The following CECR2 variants were observed in gnomAD, a reference collection of about 807,000 sequenced individuals.
The protein encoded by CECR2 is chromatin remodeling regulator CECR2.
CECR2 carries 30 observed loss-of-function variants against 154.5 expected under a neutral mutation model. That is an observed-to-expected ratio of 0.19 (90% CI 0.15 to 0.26). The LOEUF (loss-of-function observed/expected upper bound fraction) is 0.26, where lower values mean the gene tolerates loss of function less well. Ranked by LOEUF, CECR2 falls within the 10% of genes least tolerant of loss-of-function variation. The probability of loss-of-function intolerance (pLI) is 1.00; values close to 1 mark genes in which losing one functional copy is unlikely to be tolerated. For missense variants in CECR2, 1,743 were observed against 1,829.3 expected (o/e 0.95, Z 0.86); for synonymous variants, 725 against 683.7 (o/e 1.06, Z -0.94).
At chr22:17,426,603 C>G (rs369719646) in intron 1 of CECR2, among the ~76,000 whole-genome samples, 6 of 152,204 alleles carry the variant, frequency 3.9e-5, no homozygotes, top group African/African-American at 1.4e-4. Flanking sequence ...GTGATCCGCC[C>G]GCCTCAGCCT....
Position 17,500,354 on chromosome 22 carries a change from CAA to C in CECR2, c.546-276_546-275del, listed in dbSNP as rs1161358960. On this transcript the variant is annotated intron_variant, in intron 4 of 18. Coordinates refer to ENST00000262608, the MANE Select transcript of CECR2 (RefSeq NM_001290047.2). Reference sequence around the variant, plus strand: ...GCCGCATTTCCATAGCATCCCAAAACAATGCTAACCTCTTATTTAGGCTTTCT... The same window carrying C: ...GCCGCATTTCCATAGCATCCCAAAACTGCTAACCTCTTATTTAGGCTTTCT... Among the ~76,000 whole-genome samples, 5 of 152,090 alleles carry C rather than the reference CAA, an allele frequency of 3.3e-5. 1 individual carries two copies. The highest frequency in any genetic ancestry group is 4.8e-5 in the African/African-American group (2 of 41,512).
At position 17,439,772 on chromosome 22, in the gene CECR2, G is replaced by A. The variant is rs553886832; in HGVS notation, c.127-37816G>A. On this transcript the variant is annotated intron_variant, in intron 1 of 18. Coordinates refer to ENST00000262608, the MANE Select transcript of CECR2 (RefSeq NM_001290047.2). ...AATCAATGGGTACAAAACAACTGCCGTGCAATGGACAAGGAATGTCATTGC... is the reference window on the plus strand; with the variant it reads ...AATCAATGGGTACAAAACAACTGCCATGCAATGGACAAGGAATGTCATTGC... 6.6e-5 allele frequency among the ~76,000 whole-genome samples: 10 copies of A among 152,242 alleles called. No individual in the cohort carries two copies. The South Asian group carries it at 1.5e-3, about 22-fold the overall frequency.
chr22:17,418,938 C>A, intron 1 of CECR2: 2 of 202,472 alleles, frequency 9.9e-6, no homozygotes, highest in South Asian at 6.7e-5. Flanking sequence ...GTGGAGCCAG[C>A]GAGAGGCTGG....
At chr22:17,457,079 T>G (rs2054865086) in intron 1 of CECR2, among the ~76,000 whole-genome samples, 1 of 152,248 alleles carries the variant, frequency 6.6e-6, no homozygotes, top group Admixed American at 6.5e-5. Flanking sequence ...CAGGCTGGAG[T>G]GCAGTGGCAC....
chr22:17,407,511 C>T (rs1434769249), intron 1 of CECR2, among the ~76,000 whole-genome samples: 1 of 151,880 alleles, frequency 6.6e-6, no homozygotes, highest in African/African-American at 2.4e-5. Flanking sequence ...ATGAGAATCG[C>T]TTGAACCTGG....
At chr22:17,478,416 C>T (rs556357147) in intron 2 of CECR2, among the ~76,000 whole-genome samples, 22 of 137,666 alleles carry the variant, frequency 1.6e-4, no homozygotes, top group Non-Finnish European at 2.4e-4. Context: ...AGTGCAGTGG[C>T]GCAATCCCGG....
chr22:17,491,436 A>G (rs955360687), intron 2 of CECR2, among the ~76,000 whole-genome samples: 1 of 151,980 alleles, frequency 6.6e-6, no homozygotes, highest in Admixed American at 6.6e-5. Context: ...GCATTTCCCA[A>G]GTGGCTAAGG....
At chr22:17,532,972 T>C (rs174333) in intron 9 of CECR2, among the ~76,000 whole-genome samples, 32,651 of 151,438 alleles carry the variant, frequency 0.22, 3,717 homozygotes, top group African/African-American at 0.26. Context: ...CCACTGCGCC[T>C]AGCCGCTCAT....
At chr22:17,458,393 G>A (rs1485578719) in intron 1 of CECR2, among the ~76,000 whole-genome samples, 7 of 147,824 alleles carry the variant, frequency 4.7e-5, no homozygotes, top group South Asian at 2.1e-4. Context: ...CAACCTGGGC[G>A]ACAGAGCAAG....
At chr22:17,424,245 C>G (rs907934522) in intron 1 of CECR2, 5 of 147,518 alleles carry the variant, frequency 3.4e-5, no homozygotes, top group African/African-American at 1.2e-4. Flanking sequence ...GCCATGGTTA[C>G]TTTTTTTTTT....
In CECR2 at chr22:17,427,739, C is replaced by T. The variant is rs117810443; in HGVS notation, c.127-49849C>T. ...GGCCAGCTTTTATTCCCTTATTTGG[C>T]CCTGCCCATGTCATGCTGATTGGTC... On this transcript the variant is annotated intron_variant, in intron 1 of 18. Transcript: ENST00000262608. Among the ~76,000 whole-genome samples, 1,221 of 152,198 alleles carry T rather than the reference C, an allele frequency of 8.0e-3. 58 individuals are homozygous for T. The East Asian group carries it at 0.14, about 17-fold the overall frequency.
At chr22:17,545,842 CAA>C (rs112121132) in intron 16 of CECR2, among the ~76,000 whole-genome samples, 38 of 89,542 alleles carry the variant, frequency 4.2e-4, no homozygotes, top group African/African-American at 5.3e-4. Context: ...GACTCCGTCT[CAA>C]AAAAAAAAAA....
chr22:17,441,295 G>A (rs911423611), intron 1 of CECR2, among the ~76,000 whole-genome samples: 3 of 152,122 alleles, frequency 2.0e-5, no homozygotes, highest in African/African-American at 7.2e-5. Context: ...AAGTATACTG[G>A]TTGTTGTTGG....
intron 1 of CECR2, among the ~76,000 whole-genome samples, chr22:17,415,391 G>A (rs57312764): frequency 0.13 from 19,919 of 151,978 alleles, 1,383 homozygotes; most frequent in African/African-American, 0.17. Flanking sequence ...ACAGGGGCGC[G>A]CCACCGTGCC....
intron 2 of CECR2, among the ~76,000 whole-genome samples, chr22:17,488,920 C>G (rs78132790): frequency 0.023 from 3,449 of 152,182 alleles, 146 homozygotes; most frequent in African/African-American, 0.079. Context: ...CTGAACAGTC[C>G]AGTTGCTTCA....
intron 1 of CECR2, among the ~76,000 whole-genome samples, chr22:17,390,022 T>C (rs2063309824): frequency 6.6e-6 from 1 of 152,212 alleles, no homozygotes; most frequent in Admixed American, 6.5e-5. Context: ...ATGTTGCCAA[T>C]TGAGCCAATA....
chr22:17,496,425 G>A (rs528054284), intron 2 of CECR2, among the ~76,000 whole-genome samples: 268 of 151,972 alleles, frequency 1.8e-3, no homozygotes, highest in African/African-American at 5.8e-3. Flanking sequence ...GCATGAACCC[G>A]GGAGGTGGAG....
intron 9 of CECR2, among the ~76,000 whole-genome samples, chr22:17,529,059 T>A (rs2056310507): frequency 6.6e-6 from 1 of 152,084 alleles, no homozygotes; most frequent in Non-Finnish European, 1.5e-5. Flanking sequence ...TTTCCCCTGC[T>A]GAACACAGCC....
intron 17 of CECR2, 25 bp downstream of exon 17, chr22:17,549,589 C>T (rs1401357113): frequency 4.7e-6 from 7 of 1,493,912 alleles, no homozygotes; most frequent in Non-Finnish European, 6.3e-6. Flanking sequence ...AGGCTTTTCC[C>T]CCTAAAGAGA....
Sources: allele counts gnomAD v4.1 joint callset (sites outside exome capture counted in the v4.1 genomes callset), GRCh38; gene constraint gnomAD v4.1.1; transcripts MANE v1.5; gene names NCBI Gene and HGNC (gene_info 2026-07-23, HGNC 2026-07-21).